Variants in FGD3 observed in about 807,000 individuals in gnomAD.
The protein encoded by FGD3 is FYVE, RhoGEF and PH domain-containing protein 3.
FGD3 carries 45 observed loss-of-function variants against 71.8 expected under a neutral mutation model. The ratio of observed to expected loss-of-function variants is 0.63; its 90% confidence interval spans 0.49 to 0.80. The LOEUF is 0.80. Ranked by LOEUF, FGD3 falls within the 30% of genes least tolerant of loss-of-function variation. FGD3 has a pLI of 0.00. For synonymous variants in FGD3, 378 were observed against 392.8 expected (o/e 0.96, Z 0.44); for missense variants, 844 against 951.5 (o/e 0.89, Z 1.49).
At chr9:92,948,208 C>A (rs1199795005) in intron 1 of FGD3, among the ~76,000 whole-genome samples, 1 of 151,640 alleles carries the variant, frequency 6.6e-6, no homozygotes, top group East Asian at 1.9e-4. Flanking sequence ...CAACGGGGAC[C>A]CCATGTCGGA....
chr9:92,987,960 C>G, intron 3 of FGD3, among the ~76,000 whole-genome samples: 1 of 152,110 alleles, frequency 6.6e-6, no homozygotes, highest in Non-Finnish European at 1.5e-5. Flanking sequence ...CTGCATTTCC[C>G]TGGTGCTGGC....
In FGD3 at chr9:93,035,516, C is replaced by T. The variant is rs779935844; in HGVS notation, c.2105C>T (p.Ala702Val). The T allele has an allele frequency of 6.8e-6, 11 of 1,612,738 alleles. No individual in the cohort carries two copies. The highest frequency in any genetic ancestry group is 2.2e-5 in the East Asian group (1 of 44,894). The change falls in exon 18 of 18, where the codon GCC becomes GTC. Residue 702 changes from alanine to valine, a missense_variant. Transcript: ENST00000375482. ...QQWLETLSTA[A>V]HGDTAQDSPG... ...TGGCTGGAAACCCTAAGCACTGCTG[C>T]CCATGGGGACACGGCCCAGGACAGC...
rs1430412539 is a variant in FGD3 at position 93,028,197 on chromosome 9, G to A, written c.1558-1677G>A. On this transcript the variant is annotated intron_variant, in intron 14 of 17. Transcript: ENST00000375482. ...TTATGGCCCCTCAGCCCCTAGCCCC[G>A]ACACACACACACACACACACGCACA... Among the ~76,000 whole-genome samples, 19 of 147,226 alleles carry A rather than the reference G, an allele frequency of 1.3e-4. 1 individual carries two copies. Among genetic ancestry groups the A allele is most frequent in the South Asian group, 1.1e-3 (5 of 4,674 alleles).
intron 3 of FGD3, among the ~76,000 whole-genome samples, chr9:92,991,065 ATTTGTTTG>A (rs144744941): frequency 0.018 from 2,677 of 151,148 alleles, 73 homozygotes; most frequent in African/African-American, 0.061. Flanking sequence ...TTGTTTGGAG[ATTTGTTTG>A]TTTGTTTGTT....
intron 3 of FGD3, among the ~76,000 whole-genome samples, chr9:92,980,122 G>A (rs1018926504): frequency 5.9e-5 from 9 of 151,812 alleles, no homozygotes; most frequent in Non-Finnish European, 1.2e-4. Flanking sequence ...CTGGGTTCAA[G>A]CAATTCTCCC....
intron 10 of FGD3, among the ~76,000 whole-genome samples, chr9:93,017,689 A>G (rs528814884): frequency 2.0e-5 from 3 of 152,338 alleles, no homozygotes; most frequent in East Asian, 3.9e-4. Context: ...TCAGGGGCTC[A>G]GACTCTGCAG....
At position 93,002,993 on chromosome 9, in the gene FGD3, G is replaced by A; in HGVS notation, c.522G>A (p.Lys174=). The change falls in exon 4 of 18, where the codon AAG becomes AAA. Residue 174 remains lysine, a synonymous_variant. Transcript: ENST00000375482. ...ELLHTEETYV[K]RLHLLDQVFC... ...TGCACACCGAGGAGACCTATGTGAA[G>A]CGGCTGCACCTGCTGGACCAGGTAG... 6.2e-7 allele frequency: 1 copy of A among 1,614,222 alleles called. No individual in the cohort carries two copies. The highest frequency in any genetic ancestry group is 8.5e-7 in the Non-Finnish European group (1 of 1,180,044).
chr9:92,964,637 C>T (rs1351408672), intron 1 of FGD3, among the ~76,000 whole-genome samples: 1 of 152,214 alleles, frequency 6.6e-6, no homozygotes, highest in Non-Finnish European at 1.5e-5. Context: ...ACAGTGTTGC[C>T]TATCGTCTGG....
Position 93,003,039 on chromosome 9 carries a change from T to C in FGD3, c.543+25T>C. 1 of 1,602,574 alleles carries C rather than the reference T, an allele frequency of 6.2e-7. No individual in the cohort carries two copies. The stretch of plus-strand genomic sequence containing the variant: ...GGTAGCCCACATGGCTTGGGGGCAG[T>C]TTCAGTATCTCTTAGCATTGGCTGG... On this transcript the variant is annotated intron_variant, in intron 4 of 17. Transcript: ENST00000375482. The surrounding 1 kb of genome is among the most constrained non-coding windows in gnomAD (Gnocchi z 4.1).
intron 5 of FGD3, 67 bp downstream of exon 5, chr9:93,004,204 G>A (rs975834580): frequency 1.4e-5 from 23 of 1,587,350 alleles, no homozygotes; most frequent in Non-Finnish European, 2.0e-5. Flanking sequence ...TCATGTGCCT[G>A]AGAGCGAGGC....
intron 1 of FGD3, among the ~76,000 whole-genome samples, chr9:92,972,982 T>C (rs1343170623): frequency 6.6e-6 from 1 of 152,156 alleles, no homozygotes; most frequent in Non-Finnish European, 1.5e-5. Context: ...GAACATAGGA[T>C]GACACAGACA....
At chr9:93,023,306 A>G (rs185545128) in intron 14 of FGD3, among the ~76,000 whole-genome samples, 80 of 152,184 alleles carry the variant, frequency 5.3e-4, no homozygotes, top group Admixed American at 4.6e-3. Flanking sequence ...CCCACCCATC[A>G]TGATCTGGGC....
intron 3 of FGD3, among the ~76,000 whole-genome samples, chr9:92,982,134 C>A (rs988178468): frequency 1.3e-5 from 2 of 152,194 alleles, no homozygotes; most frequent in African/African-American, 4.8e-5. Flanking sequence ...CCCTATCCCT[C>A]TCTTCCTCCT....
intron 3 of FGD3, among the ~76,000 whole-genome samples, chr9:92,979,555 C>T (rs1859905099): frequency 6.6e-6 from 1 of 151,924 alleles, no homozygotes; most frequent in Non-Finnish European, 1.5e-5. Context: ...GGATATTGGC[C>T]CGTAGTTTTA....
intron 1 of FGD3, among the ~76,000 whole-genome samples, chr9:92,966,330 G>A (rs918158684): frequency 2.6e-5 from 4 of 152,320 alleles, no homozygotes; most frequent in African/African-American, 7.2e-5. Context: ...ACCTGTGCCC[G>A]TGGTGCCTCC....
At chr9:93,011,087 A>T in intron 7 of FGD3, 127 bp from the exon 8 acceptor site, 2 of 959,316 alleles carry the variant, frequency 2.1e-6, no homozygotes, top group Non-Finnish European at 3.3e-6. Context: ...AGAGTAGCCC[A>T]GGCACCCTGG....
chr9:92,982,845 A>G (rs7867742), intron 3 of FGD3, among the ~76,000 whole-genome samples: 100,711 of 151,958 alleles, frequency 0.66, 34,294 homozygotes, highest in African/African-American at 0.82. Context: ...CAGCACTTTG[A>G]GAGGCTGAGG....
At chr9:92,960,808 A>G (rs1384108861) in intron 1 of FGD3, among the ~76,000 whole-genome samples, 1 of 152,106 alleles carries the variant, frequency 6.6e-6, no homozygotes, top group Admixed American at 6.5e-5. Context: ...TGAACAGGGT[A>G]GAGCCCCTGG....
chr9:93,018,126 G>T lies in FGD3; in HGVS notation c.1276-10G>T, dbSNP rs750497956. ...TGGGTTTGCTTTGTTCTTTGTTCTT[G>T]CCCCTTCAGGTGCAGGATATCGTCA... On this transcript the variant is annotated splice_polypyrimidine_tract_variant and intron_variant, in intron 10 of 17. Transcript: ENST00000375482. 1 of 1,613,518 alleles carries T rather than the reference G, an allele frequency of 6.2e-7. No homozygotes were observed. The highest frequency in any genetic ancestry group is 8.5e-7 in the Non-Finnish European group (1 of 1,179,720).
Sources: gnomAD v4.1 joint callset for allele counts (sites outside exome capture counted in the v4.1 genomes callset) on GRCh38, gnomAD v4.1.1 for gene constraint, Gnocchi (gnomAD v3.1) non-coding constraint, MANE v1.5 for transcripts, NCBI Gene and HGNC (gene_info 2026-07-23, HGNC 2026-07-21) for gene names.